The following NF1 variants were observed in gnomAD, a reference collection of about 807,000 sequenced individuals.
NF1 encodes the protein neurofibromin.
A neutral mutation model predicts 325.7 loss-of-function variants in NF1; 122 were observed. That is an observed-to-expected ratio of 0.37 (90% CI 0.32 to 0.44). NF1 has a LOEUF of 0.44. Ranked by LOEUF, NF1 falls within the 20% of genes least tolerant of loss-of-function variation. NF1 has a pLI of 1.00. For synonymous variants in NF1, 1,091 were observed against 1,186.0 expected, an observed-to-expected ratio of 0.92 and a Z score of 1.65; for missense variants, 2,140 against 3,415.4, an observed-to-expected ratio of 0.63 and a Z score of 9.31.
At chr17:31,366,078 G>A (rs1351571802) in intron 57 of NF1, among the ~76,000 whole-genome samples, 2 of 151,748 alleles carry the variant, frequency 1.3e-5, no homozygotes, top group Non-Finnish European at 2.9e-5. Flanking sequence ...GGCACTACAG[G>A]CACCCACTAC....
At chr17:31,213,357 G>A (rs1274008916) in intron 12 of NF1, among the ~76,000 whole-genome samples, 1 of 152,124 alleles carries the variant, frequency 6.6e-6, no homozygotes, top group Non-Finnish European at 1.5e-5. Context: ...TTCCCCGCAA[G>A]GACTAAAACC....
At chr17:31,317,600 C>G (rs1352446072) in intron 36 of NF1, 2 of 152,074 alleles carry the variant, frequency 1.3e-5, no homozygotes, top group Non-Finnish European at 2.9e-5. Context: ...TAGTTGTGCT[C>G]TATTTCTTAT....
At position 31,305,397 on chromosome 17, in the gene NF1, T is replaced by C. The variant is rs1211603693; in HGVS notation, c.4836-20423T>C. 2 of 1,614,056 alleles carry C rather than the reference T, an allele frequency of 1.2e-6. No individual in the cohort carries two copies. The highest frequency in any genetic ancestry group is 2.7e-5 in the African/African-American group (2 of 74,918). ...GTCCAGCAGTGACTTTGGCAGGTGATATTGATTGTCCAGAAAAAGTGTCGC... is the reference window on the plus strand; with the variant it reads ...GTCCAGCAGTGACTTTGGCAGGTGACATTGATTGTCCAGAAAAAGTGTCGC... On this transcript the variant is annotated intron_variant, in intron 36 of 57. Coordinates refer to ENST00000358273, the MANE Select transcript of NF1 (RefSeq NM_001042492.3).
rs186204694 is a variant in NF1 at position 31,188,793 on chromosome 17, T to A, written c.888+6128T>A. ...AAAATGTGAAAAAGAGAGATGGGCC[T>A]AGCCTCCCAGCCTCCATCTTCCTCC... On this transcript the variant is annotated intron_variant, in intron 8 of 57. Coordinates refer to ENST00000358273, the MANE Select transcript of NF1 (RefSeq NM_001042492.3). 2.0e-5 allele frequency among the ~76,000 whole-genome samples: 3 copies of A among 152,260 alleles called. No individual in the cohort carries two copies. The East Asian group carries it at 5.8e-4, about 29-fold the overall frequency.
chr17:31,356,880 A>C (rs1018940194), intron 52 of NF1, 80 bp from the exon 53 acceptor site: 4 of 1,578,686 alleles, frequency 2.5e-6, no homozygotes, highest in Middle Eastern at 1.7e-4. Flanking sequence ...AAGCTGTTGA[A>C]TTTTAGAAGT....
At chr17:31,193,181 A>G (rs542729086) in intron 8 of NF1, among the ~76,000 whole-genome samples, 3 of 152,216 alleles carry the variant, frequency 2.0e-5, no homozygotes, top group Non-Finnish European at 4.4e-5. Context: ...GAGAAATGCC[A>G]GTTCTTAGTT....
chr17:31,171,858 A>T (rs1401707731), intron 5 of NF1, among the ~76,000 whole-genome samples: 1 of 152,230 alleles, frequency 6.6e-6, no homozygotes, highest in Non-Finnish European at 1.5e-5. Flanking sequence ...ACAAAAATTA[A>T]TAAAATATGG....
chr17:31,241,310 A>G (rs2067292522), intron 29 of NF1, among the ~76,000 whole-genome samples: 2 of 152,182 alleles, frequency 1.3e-5, no homozygotes, highest in South Asian at 4.1e-4. Flanking sequence ...AATCACTCTT[A>G]CGTCTTTTGA....
At chr17:31,251,038 T>C in intron 30 of NF1, 1 of 195,186 alleles carries the variant, frequency 5.1e-6, no homozygotes. Context: ...AATTAGTAAC[T>C]GGTAACAGGG....
At chr17:31,178,690 A>T (rs1035057638) in intron 5 of NF1, among the ~76,000 whole-genome samples, 1 of 151,762 alleles carries the variant, frequency 6.6e-6, no homozygotes, top group Non-Finnish European at 1.5e-5. Flanking sequence ...AATGGAAAGC[A>T]AAAAAAAGTA....
At chr17:31,295,687 A>C (rs1295356111) in intron 36 of NF1, 1 of 1,614,126 alleles carries the variant, frequency 6.2e-7, no homozygotes, top group South Asian at 1.1e-5. Flanking sequence ...CTTGCAACTG[A>C]AAGAGTTGGT....
intron 32 of NF1, among the ~76,000 whole-genome samples, 180 bp from the exon 33 acceptor site, chr17:31,258,852 T>G (rs1378428753): frequency 6.6e-6 from 1 of 152,156 alleles, no homozygotes. Context: ...AATATAATAA[T>G]TATATTTGGG....
intron 51 of NF1, among the ~76,000 whole-genome samples, chr17:31,354,601 G>A (rs2070227588): frequency 6.6e-6 from 1 of 152,178 alleles, no homozygotes; most frequent in South Asian, 2.1e-4. Flanking sequence ...GACAGGAAGA[G>A]ATTTTTAGCA....
chr17:31,266,031 T>C (rs1308442511), intron 36 of NF1, among the ~76,000 whole-genome samples: 1 of 152,174 alleles, frequency 6.6e-6, no homozygotes, highest in Non-Finnish European at 1.5e-5. Context: ...CTTTTTCCCA[T>C]TTACCATGAC....
chr17:31,241,546 T>A (rs2067297504), intron 29 of NF1, among the ~76,000 whole-genome samples: 2 of 152,244 alleles, frequency 1.3e-5, no homozygotes, highest in South Asian at 4.1e-4. Flanking sequence ...ACCATGAGGC[T>A]TGCCAATAAT....
intron 36 of NF1, among the ~76,000 whole-genome samples, chr17:31,314,870 A>G (rs1395204698): frequency 1.3e-5 from 2 of 152,084 alleles, no homozygotes; most frequent in African/African-American, 4.8e-5. Context: ...TTTTTTGAGG[A>G]ACCACCAAAC....
intron 36 of NF1, among the ~76,000 whole-genome samples, chr17:31,315,743 C>T (rs186296470): frequency 1.1e-4 from 17 of 152,176 alleles, no homozygotes; most frequent in African/African-American, 3.1e-4. Context: ...ATAGTAGGTA[C>T]GGAATGTGTT....
chr17:31,187,671 G>C (rs1254138022), intron 8 of NF1, among the ~76,000 whole-genome samples: 1 of 152,126 alleles, frequency 6.6e-6, no homozygotes, highest in Non-Finnish European at 1.5e-5. Flanking sequence ...ATATGGTACT[G>C]TTTCTCCCAT....
intron 36 of NF1, among the ~76,000 whole-genome samples, chr17:31,266,003 G>A (rs187040444): frequency 2.0e-5 from 3 of 152,092 alleles, no homozygotes; most frequent in East Asian, 1.9e-4. Context: ...AATCTGTGAC[G>A]TTATTTGGTC....
Sources: allele counts gnomAD v4.1 joint callset (sites outside exome capture counted in the v4.1 genomes callset), GRCh38; gene constraint gnomAD v4.1.1; transcripts MANE v1.5; gene names NCBI Gene and HGNC (gene_info 2026-07-23, HGNC 2026-07-21).